EBF2: variants seen among roughly 807,000 people sequenced by gnomAD.
EBF2 encodes the protein transcription factor COE2.
In EBF2, 21 loss-of-function variants were observed where a neutral mutation model predicts 72.8. The ratio of observed to expected loss-of-function variants is 0.29; its 90% confidence interval spans 0.20 to 0.42. The LOEUF is 0.42. Ranked by LOEUF, EBF2 falls within the 10% of genes least tolerant of loss-of-function variation. The pLI is 1.00. For missense variants in EBF2, 637 were observed against 731.2 expected (o/e 0.87, Z 1.49); for synonymous variants, 299 against 274.2 (o/e 1.09, Z -0.89).
intron 6 of EBF2, among the ~76,000 whole-genome samples, chr8:26,021,121 A>G (rs1358205220): frequency 6.6e-6 from 1 of 152,206 alleles, no homozygotes; most frequent in Non-Finnish European, 1.5e-5. Context: ...ACACTAAGCA[A>G]AAACAATCCA....
chr8:25,912,539 T>G (rs984127561), intron 6 of EBF2, among the ~76,000 whole-genome samples: 8 of 148,566 alleles, frequency 5.4e-5, no homozygotes, highest in African/African-American at 7.4e-5. Flanking sequence ...AAGTGAAAGA[T>G]TCTTGCTTCT....
intron 14 of EBF2, among the ~76,000 whole-genome samples, chr8:25,857,075 C>A (rs929364689): frequency 3.3e-5 from 5 of 152,052 alleles, no homozygotes; most frequent in African/African-American, 4.8e-5. Flanking sequence ...TTGTTTCTAC[C>A]TACTATGGGG....
At chr8:25,905,495 G>C (rs759644034) in intron 7 of EBF2, among the ~76,000 whole-genome samples, 1 of 151,610 alleles carries the variant, frequency 6.6e-6, no homozygotes, top group African/African-American at 2.4e-5. Flanking sequence ...CAATGGAATA[G>C]TCAAGCTGTA....
intron 14 of EBF2, chr8:25,857,948 T>A: frequency 2.8e-6 from 1 of 362,852 alleles, no homozygotes. Flanking sequence ...GAAGAAAAAG[T>A]TCTTATCGAA....
intron 6 of EBF2, among the ~76,000 whole-genome samples, chr8:25,923,512 G>A (rs1218340922): frequency 6.6e-6 from 1 of 152,178 alleles, no homozygotes; most frequent in Non-Finnish European, 1.5e-5. Flanking sequence ...TATTGTAAAT[G>A]TATACACATA....
At chr8:25,981,542 C>A (rs536027690) in intron 6 of EBF2, among the ~76,000 whole-genome samples, 4 of 152,092 alleles carry the variant, frequency 2.6e-5, no homozygotes, top group African/African-American at 7.2e-5. Flanking sequence ...TGGTGGCTCA[C>A]GCCTATCAGT....
chr8:25,974,796 T>C (rs974803435), intron 6 of EBF2, among the ~76,000 whole-genome samples: 4 of 151,966 alleles, frequency 2.6e-5, no homozygotes, highest in African/African-American at 4.8e-5. Context: ...AAGAACTGCA[T>C]TTTTCTGACA....
intron 10 of EBF2, among the ~76,000 whole-genome samples, chr8:25,865,767 T>A (rs1488838265): frequency 6.6e-6 from 1 of 150,480 alleles, no homozygotes; most frequent in African/African-American, 2.4e-5. Flanking sequence ...GACTCATGCC[T>A]GTAATCCCAG....
At chr8:25,870,678 T>C (rs1027028433) in intron 10 of EBF2, among the ~76,000 whole-genome samples, 1 of 152,144 alleles carries the variant, frequency 6.6e-6, no homozygotes, top group Admixed American at 6.5e-5. Context: ...TACAGGGTCA[T>C]GTCTAGTTTC....
intron 6 of EBF2, among the ~76,000 whole-genome samples, chr8:25,917,203 T>TTG (rs1420232124): frequency 1.3e-5 from 2 of 151,204 alleles, no homozygotes; most frequent in Non-Finnish European, 3.0e-5. Flanking sequence ...TTTGGGGTTT[T>TTG]TTTTTTTTTT....
chr8:25,926,130 G>A (rs1803382088), intron 6 of EBF2, among the ~76,000 whole-genome samples: 1 of 152,112 alleles, frequency 6.6e-6, no homozygotes, highest in Non-Finnish European at 1.5e-5. Context: ...CTTCTACCGG[G>A]AAGCAAGACC....
intron 6 of EBF2, among the ~76,000 whole-genome samples, chr8:26,007,734 A>G (rs1456281401): frequency 6.6e-6 from 1 of 152,020 alleles, no homozygotes; most frequent in African/African-American, 2.4e-5. Context: ...CCCGGATCAG[A>G]CACAGATTTT....
chr8:25,843,284 G>A lies in EBF2; in HGVS notation c.*1325C>T, dbSNP rs1013825147. 1 of 152,170 alleles carries A rather than the reference G, an allele frequency of 6.6e-6. No individual in the cohort carries two copies. The highest frequency in any genetic ancestry group is 6.5e-5 in the Admixed American group (1 of 15,272). 9.4% of individuals were successfully genotyped at this position (152,170 alleles called of 1,614,324 possible). A position where few individuals can be genotyped will look rare whatever the true frequency, so the allele number is the denominator to read the frequency against. Reference sequence around the variant, plus strand: ...TCCGTCTCATTCTTGACTAGAAACTGTCGAGTGGCATAGCTATGTTTTTCA... The same window carrying A: ...TCCGTCTCATTCTTGACTAGAAACTATCGAGTGGCATAGCTATGTTTTTCA... On this transcript the variant is annotated 3_prime_UTR_variant, in exon 16 of 16. Transcript: ENST00000520164.
At chr8:25,990,551 G>A (rs2117209044) in intron 6 of EBF2, among the ~76,000 whole-genome samples, 1 of 152,212 alleles carries the variant, frequency 6.6e-6, no homozygotes, top group East Asian at 1.9e-4. Flanking sequence ...ACTAGCTCCA[G>A]CACAGAATCC....
intron 6 of EBF2, among the ~76,000 whole-genome samples, chr8:25,913,915 G>A (rs1803170626): frequency 6.6e-6 from 1 of 152,180 alleles, no homozygotes; most frequent in Non-Finnish European, 1.5e-5. Flanking sequence ...TTCATTGTTT[G>A]TGCATGCCTC....
In EBF2 at chr8:25,877,341, T is replaced by TA; in HGVS notation, c.1009+9413dup. ...GATCTCTTCTCCTCTCCTCTCCGCC[T>TA]AGGCTAGCATACCTCCTCCAGGTCT... On this transcript the variant is annotated intron_variant, in intron 10 of 15. Coordinates refer to ENST00000520164, the MANE Select transcript of EBF2 (RefSeq NM_022659.4). 2.6e-5 allele frequency among the ~76,000 whole-genome samples: 4 copies of TA among 152,312 alleles called. No individual in the cohort carries two copies. In the South Asian group the frequency reaches 8.3e-4, roughly 32 times the overall value.
chr8:26,036,187 A>T (rs1020118285), intron 5 of EBF2, among the ~76,000 whole-genome samples: 3 of 152,172 alleles, frequency 2.0e-5, no homozygotes, highest in African/African-American at 7.2e-5. Flanking sequence ...AGTTTTCAAA[A>T]TTGTTCAGCT....
chr8:25,977,126 C>T (rs1362806509), intron 6 of EBF2, among the ~76,000 whole-genome samples: 2 of 152,166 alleles, frequency 1.3e-5, no homozygotes, highest in African/African-American at 4.8e-5. Context: ...ATTTCCAAAC[C>T]CAGAGCCTGC....
intron 15 of EBF2, among the ~76,000 whole-genome samples, chr8:25,846,660 A>C (rs1168014400): frequency 1.3e-5 from 2 of 152,124 alleles, no homozygotes; most frequent in East Asian, 3.9e-4. Flanking sequence ...CTATACTACA[A>C]CCTGTGTGAC....
Sources: allele counts gnomAD v4.1 joint callset (sites outside exome capture counted in the v4.1 genomes callset), GRCh38; gene constraint gnomAD v4.1.1; transcripts MANE v1.5; gene names NCBI Gene and HGNC (gene_info 2026-07-23, HGNC 2026-07-21).